The following ADD1 variants were observed in gnomAD, a reference collection of about 807,000 sequenced individuals.
The protein encoded by ADD1 is alpha-adducin.
Under a neutral mutation model 80.5 loss-of-function variants are expected in ADD1, and 24 were observed. The ratio of observed to expected loss-of-function variants is 0.30; its 90% CI spans 0.22 to 0.42. The LOEUF (loss-of-function observed/expected upper bound fraction) is 0.42. ADD1 is among the 10% of genes least tolerant of loss of function. The probability of loss-of-function intolerance (pLI) is 1.00; values close to 1 mark genes in which losing one functional copy is unlikely to be tolerated. For missense variants in ADD1, 948 were observed against 1,019.0 expected (o/e 0.93, Z 0.95); for synonymous variants, 373 against 393.8 (o/e 0.95, Z 0.63).
At chr4:2,918,223 A>G (rs931879017) in intron 14 of ADD1, among the ~76,000 whole-genome samples, 4 of 152,172 alleles carry the variant, frequency 2.6e-5, no homozygotes, top group African/African-American at 9.7e-5. Context: ...CTCCTCGAAG[A>G]GGTCTTTCAC....
At chr4:2,877,329 C>T (rs1206745941) in intron 2 of ADD1, among the ~76,000 whole-genome samples, 1 of 151,912 alleles carries the variant, frequency 6.6e-6, no homozygotes, top group Non-Finnish European at 1.5e-5. Flanking sequence ...TTGATTGTCT[C>T]TTATGTGCTG....
At chr4:2,852,639 G>C (rs1021705505) in intron 1 of ADD1, among the ~76,000 whole-genome samples, 2 of 149,378 alleles carry the variant, frequency 1.3e-5, no homozygotes, top group South Asian at 4.2e-4. Flanking sequence ...GCAGCATTCA[G>C]TGTCTTCTAT....
At chr4:2,911,218 A>G (rs907948709) in intron 13 of ADD1, among the ~76,000 whole-genome samples, 3 of 152,064 alleles carry the variant, frequency 2.0e-5, no homozygotes, top group Admixed American at 6.5e-5. Context: ...AACCTGAAGA[A>G]TGGGTATTTG....
intron 13 of ADD1, among the ~76,000 whole-genome samples, chr4:2,910,058 C>T (rs1394223145): frequency 6.8e-6 from 1 of 146,240 alleles, no homozygotes; most frequent in East Asian, 2.0e-4. Context: ...CTGTGATTCC[C>T]TCTGTGTGCG....
At chr4:2,925,873 G>T in intron 14 of ADD1, 141 bp from the exon 15 acceptor site, 1 of 642,530 alleles carries the variant, frequency 1.6e-6, no homozygotes, top group Non-Finnish European at 2.8e-6. Flanking sequence ...TCCTCTCTTG[G>T]AGAGGATCAG....
chr4:2,928,547 G>A lies in ADD1; in HGVS notation c.*24G>A, dbSNP rs1231540949. Reference sequence around the variant, plus strand: ...GAAAGCCCTGCGCTAACACTGTCCTGTCCGGAGCGACCCTGGCTCTGCCAG... The same window carrying A: ...GAAAGCCCTGCGCTAACACTGTCCTATCCGGAGCGACCCTGGCTCTGCCAG... On this transcript the variant is annotated 3_prime_UTR_variant, in exon 16 of 16. Coordinates refer to ENST00000683351, the MANE Select transcript of ADD1 (RefSeq NM_001354761.2). The A allele has an allele frequency of 5.0e-6, 8 of 1,595,714 alleles. No individual in the cohort carries two copies. Among genetic ancestry groups the A allele is most frequent in the East Asian group, 4.5e-5 (2 of 44,822 alleles).
At chr4:2,883,207 T>G (rs1175687641) in intron 3 of ADD1, among the ~76,000 whole-genome samples, 1 of 152,192 alleles carries the variant, frequency 6.6e-6, no homozygotes, top group Non-Finnish European at 1.5e-5. Flanking sequence ...CAGGAGAAAC[T>G]TCCCTTCAGT....
rs1045737031 is a variant in ADD1 at position 2,928,725 on chromosome 4, C to G, written c.*202C>G. 7 of 557,110 alleles carry G rather than the reference C, an allele frequency of 1.3e-5. No individual in the cohort carries two copies. In the Admixed American group the frequency reaches 2.6e-4, roughly 21 times the overall value. The allele number at this position is 557,110 out of a possible 1,614,324, so 34.5% of individuals were successfully genotyped here. On this transcript the variant is annotated 3_prime_UTR_variant, in exon 16 of 16. Transcript: ENST00000683351. ...GCCCCACCCCACCCTGCCCCTTGTCCTCTCAGAGCCTCAGCTTCTGGGGGA... is the reference window on the plus strand; with the variant it reads ...GCCCCACCCCACCCTGCCCCTTGTCGTCTCAGAGCCTCAGCTTCTGGGGGA...
chr4:2,857,004 CTGGGTTCAAGCAAT>C (rs1728179709), intron 1 of ADD1, among the ~76,000 whole-genome samples: 1 of 152,106 alleles, frequency 6.6e-6, no homozygotes, highest in African/African-American at 2.4e-5. Flanking sequence ...CCTCCACCTC[CTGGGTTCAAGCAAT>C]TCTTCTGCCT....
intron 1 of ADD1, among the ~76,000 whole-genome samples, chr4:2,856,175 A>G (rs563326112): frequency 6.6e-6 from 1 of 152,090 alleles, no homozygotes; most frequent in Non-Finnish European, 1.5e-5. Context: ...TACAGGCATG[A>G]GCCACCACTC....
At chr4:2,897,913 A>G (rs1436114407) in intron 6 of ADD1, among the ~76,000 whole-genome samples, 1 of 152,112 alleles carries the variant, frequency 6.6e-6, no homozygotes, top group African/African-American at 2.4e-5. Context: ...AATTAAATCC[A>G]GGTTTACATA....
chr4:2,851,864 G>A (rs1157353418), intron 1 of ADD1, among the ~76,000 whole-genome samples: 2 of 150,892 alleles, frequency 1.3e-5, no homozygotes, highest in African/African-American at 2.4e-5. Context: ...TTTTTGAGAT[G>A]GAGTTTCGCT....
At chr4:2,862,692 C>G (rs528187182) in intron 1 of ADD1, among the ~76,000 whole-genome samples, 1 of 152,204 alleles carries the variant, frequency 6.6e-6, no homozygotes, top group African/African-American at 2.4e-5. Flanking sequence ...ACCTCCCCAC[C>G]CCCTGGACTC....
chr4:2,851,949 C>G (rs186420318), intron 1 of ADD1, among the ~76,000 whole-genome samples: 3 of 152,090 alleles, frequency 2.0e-5, no homozygotes, highest in Non-Finnish European at 4.4e-5. Context: ...TCAAGCAATT[C>G]TACTTCAGCC....
intron 2 of ADD1, 60 bp from the exon 3 acceptor site, chr4:2,881,838 A>AC: frequency 1.4e-6 from 2 of 1,478,414 alleles, no homozygotes; most frequent in South Asian, 2.8e-5. Context: ...GCTACTTCTG[A>AC]CCCCCTGCCC....
chr4:2,855,149 ATACT>A (rs924496156), intron 1 of ADD1: 4 of 152,122 alleles, frequency 2.6e-5, no homozygotes, highest in African/African-American at 9.7e-5. Flanking sequence ...CAATCCCAAA[ATACT>A]TAATTATATC....
intron 4 of ADD1, among the ~76,000 whole-genome samples, chr4:2,889,441 T>C (rs533962993): frequency 6.6e-6 from 1 of 152,198 alleles, no homozygotes; most frequent in Non-Finnish European, 1.5e-5. Context: ...TAAGGAGAGA[T>C]GTCTTATGAC....
chr4:2,872,535 T>C (rs1402734029), intron 1 of ADD1, among the ~76,000 whole-genome samples: 3 of 152,236 alleles, frequency 2.0e-5, no homozygotes, highest in African/African-American at 4.8e-5. Flanking sequence ...CATGATATTG[T>C]ATTGAGCAGA....
rs1362536778 is a variant in ADD1, at chr4:2,928,585, C to T, written c.*62C>T. On this transcript the variant is annotated 3_prime_UTR_variant, in exon 16 of 16. Coordinates refer to ENST00000683351, the MANE Select transcript of ADD1 (RefSeq NM_001354761.2). Reference sequence around the variant, plus strand: ...CTGGCTCTGCCAGCGTCCCCGGCCACGTCTGTGCTCTGTCCTTGTGTAATG... The same window carrying T: ...CTGGCTCTGCCAGCGTCCCCGGCCATGTCTGTGCTCTGTCCTTGTGTAATG... 9.1e-6 allele frequency: 14 copies of T among 1,531,262 alleles called. No individual in the cohort carries two copies. Among genetic ancestry groups the T allele is most frequent in the South Asian group, 2.4e-5 (2 of 84,752 alleles). 94.9% of individuals were successfully genotyped at this position (1,531,262 alleles called of 1,614,324 possible).
Sources: allele counts gnomAD v4.1 joint callset (sites outside exome capture counted in the v4.1 genomes callset), GRCh38; gene constraint gnomAD v4.1.1; transcripts MANE v1.5; gene names NCBI Gene and HGNC (gene_info 2026-07-23, HGNC 2026-07-21).